PCGF5: variants seen among roughly 807,000 people sequenced by gnomAD.
PCGF5 encodes polycomb group ring finger 5, also known as polycomb group RING finger protein 5.
In PCGF5, 9 loss-of-function variants were observed where a neutral mutation model predicts 44.3. The observed-to-expected ratio is 0.20, with a 90% CI of 0.12 to 0.35. PCGF5 has a LOEUF of 0.35. Among genes scored for constraint, PCGF5 ranks in the 10% least tolerant of loss-of-function variants. The probability of loss-of-function intolerance (pLI) is 1.00; values close to 1 mark genes in which losing one functional copy is unlikely to be tolerated. For missense variants in PCGF5, 146 were observed against 305.3 expected, an observed-to-expected ratio of 0.48 and a Z score of 3.89; for synonymous variants, 95 against 102.5, an observed-to-expected ratio of 0.93 and a Z score of 0.44.
chr10:91,233,278 T>G (rs1845060806), intron 2 of PCGF5, among the ~76,000 whole-genome samples: 1 of 152,200 alleles, frequency 6.6e-6, no homozygotes, highest in Admixed American at 6.5e-5. Flanking sequence ...TAACCTTTTC[T>G]GCCTTCCTAG....
In PCGF5 at chr10:91,224,636, A is replaced by G. The variant is rs1589378350; in HGVS notation, c.112+1653A>G. Among the ~76,000 whole-genome samples the G allele has an allele frequency of 2.0e-5, 3 of 152,246 alleles. No homozygotes were observed. The East Asian group carries it at 5.8e-4, about 29-fold the overall frequency. ...AACAGAAACCTGAAGGGACTGAAGG[A>G]CTCTGTGGATATATGGGAAAGCAGT... On this transcript the variant is annotated intron_variant, in intron 2 of 9. Transcript: ENST00000336126.
At chr10:91,174,997 T>G (rs1337209638) in intron 1 of PCGF5, among the ~76,000 whole-genome samples, 1 of 152,210 alleles carries the variant, frequency 6.6e-6, no homozygotes, top group Admixed American at 6.5e-5. Flanking sequence ...GATACCTAAG[T>G]GCCTTTAACT....
chr10:91,261,573 A>G (rs1316652537), intron 7 of PCGF5, 149 bp downstream of exon 7: 1 of 1,052,820 alleles, frequency 9.5e-7, no homozygotes, highest in Middle Eastern at 3.6e-4. Context: ...TTCAGAATGT[A>G]TTATTCTACT....
At position 91,281,191 on chromosome 10, in the gene PCGF5, A is replaced by G. The variant is rs934296428; in HGVS notation, c.*2875A>G. The G allele has an allele frequency of 3.3e-5, 5 of 152,508 alleles. No individual in the cohort carries two copies. Among genetic ancestry groups the G allele is most frequent in the African/African-American group, 4.8e-5 (2 of 41,470 alleles). 9.4% of individuals were successfully genotyped at this position (152,508 alleles called of 1,614,324 possible). Reference sequence around the variant, plus strand: ...TATGAAAAAATAAACTAAAATGCTCATTGATGAGGTAATACTCAGTCTGGA... The same window carrying G: ...TATGAAAAAATAAACTAAAATGCTCGTTGATGAGGTAATACTCAGTCTGGA... On this transcript the variant is annotated 3_prime_UTR_variant, in exon 10 of 10. Transcript: ENST00000336126.
chr10:91,261,766 C>T (rs1845917294), intron 7 of PCGF5, among the ~76,000 whole-genome samples: 1 of 152,178 alleles, frequency 6.6e-6, no homozygotes. Flanking sequence ...TCTTTGAGAT[C>T]CATTATTACC....
intron 9 of PCGF5, among the ~76,000 whole-genome samples, chr10:91,273,813 A>G (rs1846239927): frequency 6.6e-6 from 1 of 150,458 alleles, no homozygotes; most frequent in East Asian, 1.9e-4. Flanking sequence ...ATAATAGTGT[A>G]TAATATAGTG....
At position 91,261,564 on chromosome 10, in the gene PCGF5, T is replaced by G. The variant is rs1845909711; in HGVS notation, c.573+140T>G. ...TATTTTTGTGTTAAAAATTTAATTT[T>G]CAGAATGTATTATTCTACTTAGGTA... On this transcript the variant is annotated intron_variant, in intron 7 of 9. Coordinates refer to ENST00000336126, the MANE Select transcript of PCGF5 (RefSeq NM_032373.5). 3 of 1,111,622 alleles carry G rather than the reference T, an allele frequency of 2.7e-6. No individual in the cohort carries two copies. In the South Asian group the frequency reaches 9.3e-5, roughly 34 times the overall value. The allele number at this position is 1,111,622 out of a possible 1,614,324, so 68.9% of individuals were successfully genotyped here.
In PCGF5 at chr10:91,233,373, C is replaced by T. The variant is rs75840641; in HGVS notation, c.113-7111C>T. Among the ~76,000 whole-genome samples the T allele has an allele frequency of 2.8e-3, 427 of 152,176 alleles. 4 individuals are homozygous for T. Among genetic ancestry groups the T allele is most frequent in the African/African-American group, 9.8e-3 (405 of 41,516 alleles). On this transcript the variant is annotated intron_variant, in intron 2 of 9. Transcript: ENST00000336126. ...AGACTCTTTCCTAACCCTGTTCAAGCAAGGTGTGCTTCGCTGCCTGTTGCT... is the reference window on the plus strand; with the variant it reads ...AGACTCTTTCCTAACCCTGTTCAAGTAAGGTGTGCTTCGCTGCCTGTTGCT...
At chr10:91,188,604 G>A (rs1167111511) in intron 1 of PCGF5, among the ~76,000 whole-genome samples, 2 of 152,102 alleles carry the variant, frequency 1.3e-5, no homozygotes, top group Non-Finnish European at 2.9e-5. Flanking sequence ...TTTCCTTAAT[G>A]TTATCTTGTC....
At chr10:91,229,811 A>G (rs1467163421) in intron 2 of PCGF5, among the ~76,000 whole-genome samples, 1 of 152,160 alleles carries the variant, frequency 6.6e-6, no homozygotes, top group African/African-American at 2.4e-5. Context: ...TTTGGAATAA[A>G]AAAGGCCAAA....
chr10:91,274,117 GTA>G (rs10686374), intron 9 of PCGF5, among the ~76,000 whole-genome samples: 2 of 151,378 alleles, frequency 1.3e-5, no homozygotes, highest in African/African-American at 4.9e-5. Flanking sequence ...ATCTGTGTAT[GTA>G]TATATATATG....
chr10:91,234,717 C>G (rs932732855), intron 2 of PCGF5, among the ~76,000 whole-genome samples: 2 of 152,190 alleles, frequency 1.3e-5, no homozygotes, highest in African/African-American at 4.8e-5. Context: ...TTACAAGTTA[C>G]CAGACACTGT....
chr10:91,228,970 A>G (rs1844926746), intron 2 of PCGF5, among the ~76,000 whole-genome samples: 1 of 152,252 alleles, frequency 6.6e-6, no homozygotes, highest in Non-Finnish European at 1.5e-5. Flanking sequence ...TTTGGATCAG[A>G]CATTTATAAT....
the PCGF5 span, among the ~76,000 whole-genome samples, chr10:91,157,677 G>T: frequency 6.6e-6 from 1 of 152,210 alleles, no homozygotes; most frequent in Non-Finnish European, 1.5e-5. Flanking sequence ...GAGCCCAATG[G>T]ATGGTGGTGA....
chr10:91,249,105 G>GTA (rs969748295), intron 5 of PCGF5, among the ~76,000 whole-genome samples: 10 of 151,918 alleles, frequency 6.6e-5, no homozygotes, highest in Admixed American at 3.3e-4. Context: ...TGCCTCTAAA[G>GTA]GAGAGGGAGC....
chr10:91,182,239 C>T (rs1279417758), intron 1 of PCGF5, among the ~76,000 whole-genome samples: 2 of 151,634 alleles, frequency 1.3e-5, no homozygotes, highest in Non-Finnish European at 1.5e-5. Flanking sequence ...TTTCAGAACT[C>T]GTTATTGGTT....
intron 1 of PCGF5, among the ~76,000 whole-genome samples, chr10:91,184,528 T>C (rs111706783): frequency 1.4e-4 from 21 of 152,340 alleles, no homozygotes; most frequent in African/African-American, 4.8e-4. Flanking sequence ...AGTTTGGTTT[T>C]ATCCATATTC....
rs1452491005 is a variant in PCGF5 at position 91,281,392 on chromosome 10, AAG to A, written c.*3077_*3078del. Reference sequence around the variant, plus strand: ...TTTAAACTGATTATTTAAGGAAAAAAAGTGTGTTATATAATATTGTGAACTGT... The same window carrying A: ...TTTAAACTGATTATTTAAGGAAAAAATGTGTTATATAATATTGTGAACTGT... On this transcript the variant is annotated 3_prime_UTR_variant, in exon 10 of 10. Transcript: ENST00000336126. The A allele has an allele frequency of 6.6e-6, 1 of 152,546 alleles. No individual in the cohort carries two copies. Among genetic ancestry groups the A allele is most frequent in the Non-Finnish European group, 1.5e-5 (1 of 67,964 alleles). 9.4% of individuals were successfully genotyped at this position (152,546 alleles called of 1,614,324 possible). A position where few individuals can be genotyped will look rare whatever the true frequency, so the allele number is the denominator to read the frequency against.
intron 2 of PCGF5, chr10:91,227,341 A>G: frequency 9.2e-7 from 1 of 1,087,542 alleles, no homozygotes; most frequent in Non-Finnish European, 1.2e-6. Flanking sequence ...TCTTAGCTGC[A>G]GAATCCTACT....
Sources: allele counts gnomAD v4.1 joint callset (sites outside exome capture counted in the v4.1 genomes callset), GRCh38; gene constraint gnomAD v4.1.1; transcripts MANE v1.5; gene names NCBI Gene and HGNC (gene_info 2026-07-23, HGNC 2026-07-21).